The following PROS1 variants were observed in gnomAD, a reference collection of about 807,000 sequenced individuals.
PROS1 encodes vitamin K-dependent protein S.
Under a neutral mutation model 75.9 loss-of-function variants are expected in PROS1, and 29 were observed. The ratio of observed to expected loss-of-function variants is 0.38; its 90% CI spans 0.28 to 0.52. PROS1 has a LOEUF of 0.52. Ranked by LOEUF, PROS1 falls within the 20% of genes least tolerant of loss-of-function variation. The pLI, the probability that PROS1 is intolerant of heterozygous loss-of-function variation, is 0.83. For synonymous variants in PROS1, 245 were observed against 280.6 expected (o/e 0.87, Z 1.27); for missense variants, 680 against 810.3 (o/e 0.84, Z 1.95).
intron 12 of PROS1, among the ~76,000 whole-genome samples, chr3:93,884,000 G>T (rs1458253638): frequency 6.6e-6 from 1 of 152,020 alleles, no homozygotes; most frequent in Non-Finnish European, 1.5e-5. Context: ...GTGCATTAAG[G>T]GTAATCCTGG....
rs1303347564 is a variant in PROS1 at position 93,900,826 on chromosome 3, A to T, written c.705T>A (p.Asn235Lys). ...ECECPEGYRY[N>K]LKSKSCEDID... Reference sequence around the variant, plus strand: ...TACCTTCACAAGACTTTGATTTGAGATTATATCTGTAGCCTTCGGGGCATT... The same window carrying T: ...TACCTTCACAAGACTTTGATTTGAGTTTATATCTGTAGCCTTCGGGGCATT... The change falls in exon 7 of 15, where the codon AAT becomes AAA. Residue 235 changes from asparagine to lysine, a missense_variant. Coordinates refer to ENST00000394236, the MANE Select transcript of PROS1 (RefSeq NM_000313.4). 1 of 1,613,330 alleles carries T rather than the reference A, an allele frequency of 6.2e-7. No homozygotes were observed. Among genetic ancestry groups the T allele is most frequent in the African/African-American group, 1.3e-5 (1 of 74,920 alleles).
At chr3:93,899,525 G>A (rs747691858) in intron 7 of PROS1, among the ~76,000 whole-genome samples, 35 of 152,092 alleles carry the variant, frequency 2.3e-4, no homozygotes, top group Non-Finnish European at 4.4e-4. Flanking sequence ...TACAAGTGAT[G>A]AAGTTGGCTA....
In PROS1 at chr3:93,892,922, T is replaced by C; in HGVS notation, c.1155+11A>G. The C allele has an allele frequency of 1.2e-6, 2 of 1,608,074 alleles. No homozygotes were observed. Among genetic ancestry groups the C allele is most frequent in the Non-Finnish European group, 1.7e-6 (2 of 1,176,324 alleles). On this transcript the variant is annotated intron_variant, in intron 10 of 14. Coordinates refer to ENST00000394236, the MANE Select transcript of PROS1 (RefSeq NM_000313.4). ...AAAGTGGGAAGATATTGATGAAATCTGCAAACGTACCATATTCCATAGACC... is the reference window on the plus strand; with the variant it reads ...AAAGTGGGAAGATATTGATGAAATCCGCAAACGTACCATATTCCATAGACC...
intron 13 of PROS1, among the ~76,000 whole-genome samples, chr3:93,878,197 AT>A (rs1366077922): frequency 1.3e-5 from 2 of 152,216 alleles, no homozygotes; most frequent in African/African-American, 4.8e-5. Context: ...TAAGAATTCC[AT>A]TTTGTTTAAA....
intron 1 of PROS1, among the ~76,000 whole-genome samples, chr3:93,955,722 T>TAA (rs71621579): frequency 0.046 from 6,257 of 135,826 alleles, 460 homozygotes; most frequent in African/African-American, 0.16. Flanking sequence ...ACTTAAAGTA[T>TAA]AAAAAAAAAA....
At chr3:93,969,848 C>T (rs1447593085) in intron 1 of PROS1, among the ~76,000 whole-genome samples, 1 of 152,090 alleles carries the variant, frequency 6.6e-6, no homozygotes, top group Non-Finnish European at 1.5e-5. Context: ...ACTGTATTAT[C>T]AGGCATAATA....
intron 1 of PROS1, among the ~76,000 whole-genome samples, chr3:93,960,304 G>A (rs1402396546): frequency 6.6e-6 from 1 of 151,826 alleles, no homozygotes; most frequent in Non-Finnish European, 1.5e-5. Context: ...AGCCTCCTGA[G>A]TAGCTGGGAC....
chr3:93,875,379 C>T (rs150855013), intron 14 of PROS1, among the ~76,000 whole-genome samples: 35 of 152,124 alleles, frequency 2.3e-4, no homozygotes, highest in Middle Eastern at 6.8e-3. Flanking sequence ...TTTAGCTCCT[C>T]TCAAATCTTC....
chr3:93,955,724 A>G (rs548101548), intron 1 of PROS1, among the ~76,000 whole-genome samples: 1 of 147,350 alleles, frequency 6.8e-6, no homozygotes, highest in Non-Finnish European at 1.5e-5. Context: ...TTAAAGTATA[A>G]AAAAAAAAAA....
intron 3 of PROS1, among the ~76,000 whole-genome samples, chr3:93,912,895 C>T (rs962399271): frequency 6.6e-6 from 1 of 152,194 alleles, no homozygotes; most frequent in African/African-American, 2.4e-5. Flanking sequence ...CCAGCACATA[C>T]TTTTTGAGGG....
intron 11 of PROS1, 33 bp from the exon 12 acceptor site, chr3:93,884,929 T>C (rs1708325316): frequency 1.3e-6 from 2 of 1,588,550 alleles, no homozygotes; most frequent in Non-Finnish European, 1.7e-6. Context: ...AAGGAGTGCA[T>C]TTTAAACTTA....
chr3:93,919,253 T>G (rs1410512612), intron 3 of PROS1, among the ~76,000 whole-genome samples: 1 of 152,214 alleles, frequency 6.6e-6, no homozygotes. Flanking sequence ...AGAGGTGCAT[T>G]CTCACCAGTG....
chr3:93,945,102 C>A (rs1345650275), intron 1 of PROS1, among the ~76,000 whole-genome samples: 1 of 151,900 alleles, frequency 6.6e-6, no homozygotes, highest in African/African-American at 2.4e-5. Flanking sequence ...ATGCACCCTC[C>A]CAAGAAGAAG....
intron 1 of PROS1, among the ~76,000 whole-genome samples, chr3:93,947,813 C>T (rs542840978): frequency 1.4e-3 from 216 of 152,120 alleles, no homozygotes; most frequent in African/African-American, 4.9e-3. Flanking sequence ...GTGATCTGCC[C>T]GCCTCGGCCT....
chr3:93,905,615 A>G lies in PROS1; in HGVS notation c.601+169T>C, dbSNP rs191125074. Among the ~76,000 whole-genome samples the G allele has an allele frequency of 3.3e-5, 5 of 152,300 alleles. No homozygotes were observed. In the East Asian group the frequency reaches 9.7e-4, roughly 29 times the overall value. On this transcript the variant is annotated intron_variant, in intron 6 of 14. Transcript: ENST00000394236. ...GTGAGACCCTATCTCTCAAAAACAA[A>G]CAAAAGCTAAAAAGCAGTTCCACAG...
intron 1 of PROS1, among the ~76,000 whole-genome samples, chr3:93,945,531 T>G (rs1457100650): frequency 6.6e-6 from 1 of 152,072 alleles, no homozygotes; most frequent in Non-Finnish European, 1.5e-5. Flanking sequence ...ATCTAATCCA[T>G]CATATGAACA....
chr3:93,922,585 C>T (rs961110677), intron 3 of PROS1, among the ~76,000 whole-genome samples: 1 of 152,192 alleles, frequency 6.6e-6, no homozygotes, highest in Non-Finnish European at 1.5e-5. Flanking sequence ...ATATGGGTTA[C>T]AATTTTTTAA....
At chr3:93,935,069 T>A (rs1237201431) in intron 1 of PROS1, among the ~76,000 whole-genome samples, 1 of 152,194 alleles carries the variant, frequency 6.6e-6, no homozygotes, top group Non-Finnish European at 1.5e-5. Flanking sequence ...AATACACGGC[T>A]TTATTACCCA....
At chr3:93,942,891 C>G (rs1310188960) in intron 1 of PROS1, among the ~76,000 whole-genome samples, 11 of 152,164 alleles carry the variant, frequency 7.2e-5, no homozygotes, top group Admixed American at 7.2e-4. Flanking sequence ...TTTGCCCCTG[C>G]CCAGGACTGG....
Sources: gnomAD v4.1 joint callset for allele counts (sites outside exome capture counted in the v4.1 genomes callset) on GRCh38, gnomAD v4.1.1 for gene constraint, MANE v1.5 for transcripts, NCBI Gene and HGNC (gene_info 2026-07-23, HGNC 2026-07-21) for gene names.